CCL24: variants seen among roughly 807,000 people sequenced by gnomAD.
CCL24 encodes C-C motif chemokine ligand 24.
A neutral mutation model predicts 8.6 loss-of-function variants in CCL24; 6 were observed. The observed-to-expected ratio is 0.70, with a 90% CI of 0.38 to 1.38. CCL24 has a LOEUF of 1.38. Among genes scored for constraint, CCL24 ranks in the 40% most tolerant of loss-of-function variants. The probability of loss-of-function intolerance (pLI) is 0.02; values close to 1 mark genes in which losing one functional copy is unlikely to be tolerated. For synonymous variants in CCL24, 59 were observed against 52.7 expected, an observed-to-expected ratio of 1.12 and a Z score of -0.52; for missense variants, 126 against 147.1, an observed-to-expected ratio of 0.86 and a Z score of 0.74.
chr7:75,817,553 A>T (rs1373889506), upstream of CCL24, among the ~76,000 whole-genome samples: 1 of 150,516 alleles, frequency 6.6e-6, no homozygotes, highest in Non-Finnish European at 1.5e-5. Flanking sequence ...CCCAGGCTGC[A>T]GTGGAATGGC....
chr7:75,818,301 G>T (rs1176656150), upstream of CCL24, among the ~76,000 whole-genome samples: 10 of 151,984 alleles, frequency 6.6e-5, no homozygotes, highest in African/African-American at 2.4e-4. Flanking sequence ...ACAAAAATTA[G>T]CTGGGCGTGG....
At chr7:75,819,303 A>AATATATATATATATATATCTATATATAT (rs1803973473) in intron 1 of CCL24, among the ~76,000 whole-genome samples, 1 of 17,102 alleles carries the variant, frequency 5.8e-5, no homozygotes, top group Non-Finnish European at 9.0e-5. Context: ...AAAAAAAAAA[A>AATATATATATATATATATCTATATATAT]ATATATATAT....
upstream of CCL24, among the ~76,000 whole-genome samples, chr7:75,818,410 G>T (rs1554534468): frequency 6.8e-6 from 1 of 146,852 alleles, no homozygotes; most frequent in Non-Finnish European, 1.5e-5. Context: ...TCGCACCACT[G>T]CACTCCAGCC....
At chr7:75,813,892 T>A (rs1033489863), upstream of CCL24, 10 of 531,614 alleles carry the variant, frequency 1.9e-5, no homozygotes, top group Non-Finnish European at 3.1e-5. Context: ...TTGAAAATCC[T>A]GAGGCCTGTG....
chr7:75,821,801 G>A (rs35796847), intron 1 of CCL24, among the ~76,000 whole-genome samples: 2,328 of 151,636 alleles, frequency 0.015, 34 homozygotes, highest in Non-Finnish European at 0.024. Context: ...AGTGGCGGGC[G>A]CCTGTAGTCC....
intron 1 of CCL24, among the ~76,000 whole-genome samples, chr7:75,820,106 C>CTTCCTT (rs1554534861): frequency 1.4e-5 from 1 of 72,072 alleles, no homozygotes; most frequent in Admixed American, 2.1e-4. Context: ...TCTTCTTCTT[C>CTTCCTT]CTTCTTCTTC....
rs896771687 is a variant in CCL24, at chr7:75,811,704, G to A, written c.*92C>T. On this transcript the variant is annotated 3_prime_UTR_variant, in exon 3 of 3. Transcript: ENST00000222902. The stretch of plus-strand genomic sequence containing the variant: ...GTGTTGCTAAGAAACAGGAAAATTA[G>A]CTCTTCCCCCCATCACTGTGGCTTC... The A allele has an allele frequency of 2.6e-6, 3 of 1,144,130 alleles. No individual in the cohort carries two copies. Among genetic ancestry groups the A allele is most frequent in the African/African-American group, 3.1e-5 (2 of 64,700 alleles). 70.9% of individuals were successfully genotyped at this position (1,144,130 alleles called of 1,614,324 possible).
chr7:75,823,000 C>G (rs1554535288), intron 1 of CCL24, among the ~76,000 whole-genome samples: 1 of 152,180 alleles, frequency 6.6e-6, no homozygotes, highest in East Asian at 1.9e-4. Flanking sequence ...TGCCACCACA[C>G]CGAGTTCACT....
At position 75,811,445 on chromosome 7, in the gene CCL24, C is replaced by G. The variant is rs1233666027; in HGVS notation, c.*351G>C. Among the ~76,000 whole-genome samples, 1 of 151,452 alleles carries G rather than the reference C, an allele frequency of 6.6e-6. No homozygotes were observed. Among genetic ancestry groups the G allele is most frequent in the Non-Finnish European group, 1.5e-5 (1 of 67,902 alleles). On this transcript the variant is annotated 3_prime_UTR_variant, in exon 3 of 3. Transcript: ENST00000222902. ...AGTGAACCGAGATTGTGCCACTGCA[C>G]TCCAGCCTGGGTGACAGAGCGAGAC...
chr7:75,811,766 C>A lies in CCL24; in HGVS notation c.*30G>T. On this transcript the variant is annotated 3_prime_UTR_variant, in exon 3 of 3. Transcript: ENST00000222902. Reference sequence around the variant, plus strand: ...AGTAGCCCGCCAAGCAGCTCAGGCCCAAACTCAGGGCTGGAGGGCTGGGCG... The same window carrying A: ...AGTAGCCCGCCAAGCAGCTCAGGCCAAAACTCAGGGCTGGAGGGCTGGGCG... 6.2e-7 allele frequency: 1 copy of A among 1,600,688 alleles called. No individual in the cohort carries two copies. Among genetic ancestry groups the A allele is most frequent in the South Asian group, 1.1e-5 (1 of 89,174 alleles).
At position 75,820,166 on chromosome 7, in the gene CCL24, T is replaced by C. The variant is rs566399353; in HGVS notation, c.-60+3156A>G. On this transcript the variant is annotated intron_variant, in intron 1 of 3. Coordinates refer to the CCL24 transcript ENST00000416943. The stretch of plus-strand genomic sequence containing the variant: ...TCCTCCTCCTCCTTCTCCTTCTCCT[T>C]CTCCTTCTCCTTCTCCTTCTCCTTC... 2.3e-3 allele frequency among the ~76,000 whole-genome samples: 197 copies of C among 86,452 alleles called. 3 individuals are homozygous for C. Among genetic ancestry groups the C allele is most frequent in the Middle Eastern group, 6.8e-3 (1 of 146 alleles). 56.7% of individuals were successfully genotyped at this position (86,452 alleles called of 152,430 possible).
upstream of CCL24, among the ~76,000 whole-genome samples, chr7:75,818,339 C>T (rs1460408607): frequency 2.0e-5 from 3 of 150,666 alleles, no homozygotes; most frequent in South Asian, 2.1e-4. Context: ...CCCAGCTACT[C>T]GGGAGGCTGA....
chr7:75,810,913 T>C lies in CCL24; in HGVS notation c.*883A>G, dbSNP rs2115767977. Among the ~76,000 whole-genome samples the C allele has an allele frequency of 6.6e-6, 1 of 151,798 alleles. No homozygotes were observed. The highest frequency in any genetic ancestry group is 1.5e-5 in the Non-Finnish European group (1 of 67,936). On this transcript the variant is annotated 3_prime_UTR_variant, in exon 3 of 3. Coordinates refer to ENST00000222902, the MANE Select transcript of CCL24 (RefSeq NM_002991.3). ...ACTCTTGATAAACCCACACAGTATA[T>C]CATGCATAGAAAAAAAAAGCTAGAG... is the stretch of plus-strand genomic sequence containing the variant.
At chr7:75,817,417 G>A (rs1803915720), upstream of CCL24, among the ~76,000 whole-genome samples, 2 of 152,084 alleles carry the variant, frequency 1.3e-5, no homozygotes, top group Admixed American at 6.6e-5. Flanking sequence ...AGGTCATTGG[G>A]TGGGAGTGTG....
chr7:75,820,067 CTTCT>C (rs1563353815), intron 1 of CCL24, among the ~76,000 whole-genome samples: 1 of 135,560 alleles, frequency 7.4e-6, no homozygotes, highest in Admixed American at 8.1e-5. Context: ...TCTTCTTCTT[CTTCT>C]TCTTCTTCTT....
At chr7:75,822,293 C>T (rs1554535195) in intron 1 of CCL24, among the ~76,000 whole-genome samples, 1 of 152,114 alleles carries the variant, frequency 6.6e-6, no homozygotes, top group Non-Finnish European at 1.5e-5. Flanking sequence ...GAGCCTCGTC[C>T]CAACCATATG....
At chr7:75,818,990 T>C (rs1803953759) in intron 1 of CCL24, among the ~76,000 whole-genome samples, 2 of 149,962 alleles carry the variant, frequency 1.3e-5, no homozygotes, top group South Asian at 4.2e-4. Context: ...GTAAGAAATA[T>C]GAGGGCCAGG....
At chr7:75,820,070 C>CTTCTTCTT (rs1365993613) in intron 1 of CCL24, among the ~76,000 whole-genome samples, 1 of 137,312 alleles carries the variant, frequency 7.3e-6, no homozygotes, top group African/African-American at 2.6e-5. Flanking sequence ...TCTTCTTCTT[C>CTTCTTCTT]TTCTTCTTCT....
intron 1 of CCL24, among the ~76,000 whole-genome samples, chr7:75,820,106 C>CCTT (rs71534425): frequency 0.018 from 1,294 of 72,072 alleles, 80 homozygotes; most frequent in Middle Eastern, 0.032. Flanking sequence ...TCTTCTTCTT[C>CCTT]CTTCTTCTTC....
Sources: allele counts gnomAD v4.1 joint callset (sites outside exome capture counted in the v4.1 genomes callset), GRCh38; gene constraint gnomAD v4.1.1; transcripts MANE v1.5; gene names NCBI Gene and HGNC (gene_info 2026-07-23, HGNC 2026-07-21).